Variants in RPS6KC1 observed in about 807,000 individuals in gnomAD.
The protein encoded by RPS6KC1 is inactive ribosomal protein S6 kinase delta-1.
A neutral mutation model predicts 103.8 loss-of-function variants in RPS6KC1; 54 were observed. That is an observed-to-expected ratio of 0.52 (90% CI 0.42 to 0.65). The LOEUF is 0.65. RPS6KC1 is among the 30% of genes least tolerant of loss of function. The pLI is 0.00. For synonymous variants in RPS6KC1, 439 were observed against 438.7 expected, an observed-to-expected ratio of 1.00 and a Z score of -0.01; for missense variants, 1,151 against 1,253.8, an observed-to-expected ratio of 0.92 and a Z score of 1.24.
Position 213,227,326 on chromosome 1 carries a change from G to A in RPS6KC1, c.1045-3171G>A, listed in dbSNP as rs773895992. On this transcript the variant is annotated intron_variant, in intron 8 of 14. Transcript: ENST00000366960. ...ACTTTTAGAGTTGAATTCACTAACC[G>A]TATGTTTATTAAACATTTACTGTGT... 4.1e-4 allele frequency among the ~76,000 whole-genome samples: 63 copies of A among 152,146 alleles called. 1 individual carries two copies. Among genetic ancestry groups the A allele is most frequent in the Non-Finnish European group, 7.5e-4 (51 of 68,028 alleles).
intron 3 of RPS6KC1, among the ~76,000 whole-genome samples, chr1:213,094,954 A>G (rs1227562969): frequency 6.6e-6 from 1 of 152,196 alleles, no homozygotes; most frequent in African/African-American, 2.4e-5. Context: ...TTCCTGCTTC[A>G]TAGTAAGATA....
chr1:213,542,990 G>T, the RPS6KC1 span, among the ~76,000 whole-genome samples: 2 of 152,186 alleles, frequency 1.3e-5, no homozygotes, highest in Admixed American at 1.3e-4. Context: ...GAGGAGCAGG[G>T]ACAACTGACC....
chr1:213,395,819 A>G, the RPS6KC1 span, among the ~76,000 whole-genome samples: 1 of 152,236 alleles, frequency 6.6e-6, no homozygotes, highest in Non-Finnish European at 1.5e-5. Context: ...GGGCTGCAGG[A>G]AAACACATGG....
the RPS6KC1 span, among the ~76,000 whole-genome samples, chr1:213,581,529 G>C: frequency 8.7e-4 from 132 of 152,200 alleles, no homozygotes; most frequent in African/African-American, 3.1e-3. Flanking sequence ...GAGGCAAGGG[G>C]CATGGGCTCG....
At chr1:213,302,165 T>C in the RPS6KC1 span, among the ~76,000 whole-genome samples, 5 of 152,260 alleles carry the variant, frequency 3.3e-5, no homozygotes, top group Non-Finnish European at 7.3e-5. Flanking sequence ...ACCCAATCTC[T>C]GAGTGCTTCA....
At chr1:213,798,477 G>A in the RPS6KC1 span, among the ~76,000 whole-genome samples, 11 of 152,278 alleles carry the variant, frequency 7.2e-5, 1 homozygote, top group South Asian at 8.3e-4. Context: ...GGCTGGAGGC[G>A]GATAGGGTAC....
At chr1:213,602,088 CTT>C in the RPS6KC1 span, among the ~76,000 whole-genome samples, 14 of 38,214 alleles carry the variant, frequency 3.7e-4, no homozygotes, top group African/African-American at 1.5e-3. Flanking sequence ...CTCTTTCTTT[CTT>C]TCTTTCTTTC....
chr1:213,313,606 T>A, the RPS6KC1 span, among the ~76,000 whole-genome samples: 1 of 152,230 alleles, frequency 6.6e-6, no homozygotes, highest in Admixed American at 6.5e-5. Context: ...TTTGTATGTC[T>A]TAGTTCTTTA....
At chr1:213,062,924 G>A (rs2077981923) in intron 1 of RPS6KC1, among the ~76,000 whole-genome samples, 1 of 152,170 alleles carries the variant, frequency 6.6e-6, no homozygotes, top group Non-Finnish European at 1.5e-5. Flanking sequence ...GAATAAGTTA[G>A]CATACTGGAA....
At chr1:213,368,409 G>A in the RPS6KC1 span, among the ~76,000 whole-genome samples, 1 of 152,096 alleles carries the variant, frequency 6.6e-6, no homozygotes, top group Admixed American at 6.5e-5. Context: ...TGTGAGTTCC[G>A]CGCCTGCTAT....
At chr1:213,473,196 T>C in the RPS6KC1 span, among the ~76,000 whole-genome samples, 1 of 152,232 alleles carries the variant, frequency 6.6e-6, no homozygotes, top group African/African-American at 2.4e-5. Context: ...AACCAATCAG[T>C]CTGGCAATGG....
the RPS6KC1 span, among the ~76,000 whole-genome samples, chr1:213,652,929 T>C: frequency 6.6e-6 from 1 of 152,230 alleles, no homozygotes; most frequent in Non-Finnish European, 1.5e-5. Flanking sequence ...AGGTTTGTCA[T>C]GTAGCAAAGG....
the RPS6KC1 span, among the ~76,000 whole-genome samples, chr1:213,708,932 G>A: frequency 2.0e-5 from 3 of 152,308 alleles, no homozygotes; most frequent in African/African-American, 7.2e-5. Flanking sequence ...GCTTTTCAAT[G>A]TGTTGCTGGA....
At chr1:213,668,248 C>A in the RPS6KC1 span, among the ~76,000 whole-genome samples, 1 of 152,124 alleles carries the variant, frequency 6.6e-6, no homozygotes, top group Non-Finnish European at 1.5e-5. Context: ...AATAATAAGA[C>A]TTGAAAGTTG....
chr1:213,617,558 G>A, the RPS6KC1 span, among the ~76,000 whole-genome samples: 2 of 152,222 alleles, frequency 1.3e-5, no homozygotes, highest in South Asian at 2.1e-4. Flanking sequence ...AGCTTATTAT[G>A]AGTGGGTTAT....
chr1:213,704,385 C>CA, the RPS6KC1 span, among the ~76,000 whole-genome samples: 8,751 of 27,502 alleles, frequency 0.32, 2,250 homozygotes, highest in Non-Finnish European at 0.42. Context: ...GACTCCGTCT[C>CA]AAAAAAAAAA....
At chr1:213,670,535 G>T in the RPS6KC1 span, among the ~76,000 whole-genome samples, 1 of 152,190 alleles carries the variant, frequency 6.6e-6, no homozygotes, top group Non-Finnish European at 1.5e-5. Context: ...AGAATCAAAG[G>T]CTCCTTGCTC....
At chr1:213,715,077 G>A in the RPS6KC1 span, among the ~76,000 whole-genome samples, 2 of 152,222 alleles carry the variant, frequency 1.3e-5, no homozygotes, top group Admixed American at 6.5e-5. Context: ...GCCAGAGCTG[G>A]TTTGCTGAGA....
At chr1:213,620,211 C>T in the RPS6KC1 span, among the ~76,000 whole-genome samples, 4 of 152,300 alleles carry the variant, frequency 2.6e-5, no homozygotes, top group East Asian at 1.9e-4. Flanking sequence ...TATATTTCCC[C>T]GATATTATGG....
Sources: allele counts gnomAD v4.1 joint callset (sites outside exome capture counted in the v4.1 genomes callset), GRCh38; gene constraint gnomAD v4.1.1; transcripts MANE v1.5; gene names NCBI Gene and HGNC (gene_info 2026-07-23, HGNC 2026-07-21).